FAM219A: variants seen among roughly 807,000 people sequenced by gnomAD.
FAM219A encodes the protein protein FAM219A.
In FAM219A, 7 loss-of-function variants were observed where a neutral mutation model predicts 23.4. The ratio of observed to expected loss-of-function variants is 0.30; its 90% CI spans 0.17 to 0.56. FAM219A has a LOEUF of 0.56. FAM219A is among the 20% of genes least tolerant of loss of function. The pLI is 0.92. For synonymous variants in FAM219A, 93 were observed against 99.0 expected (o/e 0.94, Z 0.36); for missense variants, 166 against 246.9 (o/e 0.67, Z 2.20).
At chr9:34,403,416 T>C (rs939691631) in intron 2 of FAM219A, among the ~76,000 whole-genome samples, 1 of 152,134 alleles carries the variant, frequency 6.6e-6, no homozygotes, top group Non-Finnish European at 1.5e-5. Context: ...ACAGAGGAGT[T>C]TGGGATTAAC....
chr9:34,398,634 G>A lies in FAM219A; in HGVS notation c.*2330C>T. On this transcript the variant is annotated 3_prime_UTR_variant, in exon 6 of 6. Coordinates refer to ENST00000651358, the MANE Select transcript of FAM219A (RefSeq NM_001184940.2). ...CTCAGGGCCACAGAGATTGAACAAT[G>A]GGCCCGAGTCACACTGCAAGTCAGC... 1 of 500,560 alleles carries A rather than the reference G, an allele frequency of 2.0e-6. No homozygotes were observed. Among genetic ancestry groups the A allele is most frequent in the Non-Finnish European group, 3.6e-6 (1 of 276,678 alleles). 31.0% of individuals were successfully genotyped at this position (500,560 alleles called of 1,614,324 possible).
At chr9:34,421,009 TGAGAGAGA>T (rs143749316) in intron 1 of FAM219A, among the ~76,000 whole-genome samples, 19 of 86,356 alleles carry the variant, frequency 2.2e-4, no homozygotes, top group Non-Finnish European at 1.8e-4. Flanking sequence ...TGTGTGTGTG[TGAGAGAGA>T]GAGAGAGAGA....
At chr9:34,423,589 T>A (rs1822356304) in intron 1 of FAM219A, among the ~76,000 whole-genome samples, 1 of 152,142 alleles carries the variant, frequency 6.6e-6, no homozygotes, top group South Asian at 2.1e-4. Context: ...GGACTTCACC[T>A]GGAAATAATG....
intron 1 of FAM219A, among the ~76,000 whole-genome samples, chr9:34,414,313 C>T (rs921344267): frequency 2.0e-5 from 3 of 152,200 alleles, no homozygotes; most frequent in Admixed American, 6.5e-5. Flanking sequence ...TTCTGAATCC[C>T]ACTGTTGGGT....
At chr9:34,424,085 A>G (rs1448746761) in intron 1 of FAM219A, among the ~76,000 whole-genome samples, 1 of 152,222 alleles carries the variant, frequency 6.6e-6, no homozygotes, top group African/African-American at 2.4e-5. Flanking sequence ...GTAGGGAACC[A>G]AGAAGAGATC....
At chr9:34,435,411 C>T (rs760175269) in intron 1 of FAM219A, among the ~76,000 whole-genome samples, 3 of 151,950 alleles carry the variant, frequency 2.0e-5, no homozygotes, top group Non-Finnish European at 4.4e-5. Flanking sequence ...TGATTTTTGA[C>T]CATTTGTTTC....
At chr9:34,448,342 C>G (rs559409227) in intron 1 of FAM219A, among the ~76,000 whole-genome samples, 1 of 152,168 alleles carries the variant, frequency 6.6e-6, no homozygotes, top group African/African-American at 2.4e-5. Flanking sequence ...AACTGTTGTT[C>G]CCCCTGCTGA....
intron 1 of FAM219A, among the ~76,000 whole-genome samples, chr9:34,450,505 C>T (rs1588076510): frequency 6.6e-6 from 1 of 152,034 alleles, no homozygotes; most frequent in East Asian, 1.9e-4. Flanking sequence ...CTGCAACCTC[C>T]ACCTCCTGGG....
chr9:34,400,883 C>G lies in FAM219A; in HGVS notation c.*81G>C, dbSNP rs928330722. ...GGGCGCGGGGCCGGGGGCAGGCAGA[C>G]GAGCTGGGAAGGGGTCGGCCTCTGC... On this transcript the variant is annotated 3_prime_UTR_variant, in exon 6 of 6. Transcript: ENST00000651358. 2.9e-6 allele frequency: 4 copies of G among 1,391,770 alleles called. No individual in the cohort carries two copies. Among genetic ancestry groups the G allele is most frequent in the African/African-American group, 3.0e-5 (2 of 67,104 alleles). 86.2% of individuals were successfully genotyped at this position (1,391,770 alleles called of 1,614,324 possible). A position where few individuals can be genotyped will look rare whatever the true frequency, so the allele number is the denominator to read the frequency against.
rs1302861336 is a variant in FAM219A at position 34,399,936 on chromosome 9, C to G, written c.*1028G>C. ...AGGAATAGACTGAGGAGAGACAGGT[C>G]CAACAGAGACACACACCCACCCACC... On this transcript the variant is annotated 3_prime_UTR_variant, in exon 6 of 6. Transcript: ENST00000651358. 2.0e-5 allele frequency: 3 copies of G among 152,732 alleles called. No homozygotes were observed. The highest frequency in any genetic ancestry group is 4.4e-5 in the Non-Finnish European group (3 of 68,508). 9.5% of individuals were successfully genotyped at this position (152,732 alleles called of 1,614,324 possible).
chr9:34,424,041 A>G (rs1026995750), intron 1 of FAM219A, among the ~76,000 whole-genome samples: 2 of 152,228 alleles, frequency 1.3e-5, no homozygotes, highest in Non-Finnish European at 2.9e-5. Flanking sequence ...ATATTGAAAA[A>G]GTAAGCAGAA....
At position 34,457,094 on chromosome 9, in the gene FAM219A, G is replaced by A. The variant is rs917747299; in HGVS notation, c.60+1110C>T. Among the ~76,000 whole-genome samples, 2 of 152,206 alleles carry A rather than the reference G, an allele frequency of 1.3e-5. No individual in the cohort carries two copies. Among genetic ancestry groups the A allele is most frequent in the East Asian group, 3.8e-4 (2 of 5,196 alleles). Reference sequence around the variant, plus strand: ...ACTTGGAGAACTCAGCTCTGCTCCAGCCAGCACAGCTCAGAGAAATGGGGC... The same window carrying A: ...ACTTGGAGAACTCAGCTCTGCTCCAACCAGCACAGCTCAGAGAAATGGGGC... On this transcript the variant is annotated intron_variant, in intron 1 of 5. Transcript: ENST00000651358. The surrounding 1 kb of genome is among the most constrained non-coding windows in gnomAD (Gnocchi z 5.1).
chr9:34,455,403 A>G (rs1823693418), intron 1 of FAM219A, among the ~76,000 whole-genome samples: 1 of 151,846 alleles, frequency 6.6e-6, no homozygotes, highest in African/African-American at 2.4e-5. Context: ...GCCTATCCAA[A>G]TACCCTTAAA....
intron 1 of FAM219A, among the ~76,000 whole-genome samples, chr9:34,449,883 G>T (rs1326586671): frequency 6.6e-6 from 1 of 152,192 alleles, no homozygotes; most frequent in African/African-American, 2.4e-5. Flanking sequence ...TTTCTACGGA[G>T]ACTTTTTCCC....
intron 1 of FAM219A, among the ~76,000 whole-genome samples, chr9:34,415,438 G>GC (rs1017667256): frequency 6.6e-6 from 1 of 152,210 alleles, no homozygotes; most frequent in Non-Finnish European, 1.5e-5. Flanking sequence ...GGGTGCTACT[G>GC]CCCCCAGGCC....
At chr9:34,451,131 C>T (rs893455274) in intron 1 of FAM219A, among the ~76,000 whole-genome samples, 2 of 152,184 alleles carry the variant, frequency 1.3e-5, no homozygotes, top group African/African-American at 4.8e-5. Flanking sequence ...TGTCTACCCT[C>T]TCTCCCAGGC....
intron 1 of FAM219A, among the ~76,000 whole-genome samples, chr9:34,442,460 G>T (rs1291137619): frequency 6.6e-6 from 1 of 152,170 alleles, no homozygotes; most frequent in Non-Finnish European, 1.5e-5. Flanking sequence ...TGCGGCAGGT[G>T]GATCACCTGA....
In FAM219A at chr9:34,400,958, C is replaced by T. The variant is rs201618351; in HGVS notation, c.*6G>A. On this transcript the variant is annotated 3_prime_UTR_variant, in exon 6 of 6. Coordinates refer to ENST00000651358, the MANE Select transcript of FAM219A (RefSeq NM_001184940.2). ...CCCGCCCCGGCGACCGCAGTGGCCC[C>T]GCCCGCTACTGAATGTGGCAGGCGG... 2.4e-4 allele frequency: 368 copies of T among 1,532,784 alleles called. No homozygotes were observed. Among genetic ancestry groups the T allele is most frequent in the Admixed American group, 1.0e-3 (54 of 52,950 alleles). The allele number at this position is 1,532,784 out of a possible 1,614,324, so 94.9% of individuals were successfully genotyped here. A position where few individuals can be genotyped will look rare whatever the true frequency, so the allele number is the denominator to read the frequency against.
intron 1 of FAM219A, among the ~76,000 whole-genome samples, chr9:34,414,924 T>A (rs1216889311): frequency 6.6e-6 from 1 of 152,188 alleles, no homozygotes; most frequent in Non-Finnish European, 1.5e-5. Flanking sequence ...CTTTTCTCTT[T>A]CTTTTCTTTG....
Sources: allele counts gnomAD v4.1 joint callset (sites outside exome capture counted in the v4.1 genomes callset), GRCh38; gene constraint gnomAD v4.1.1; non-coding constraint Gnocchi (gnomAD v3.1); transcripts MANE v1.5; gene names NCBI Gene and HGNC (gene_info 2026-07-23, HGNC 2026-07-21).